Variants in GPHN observed in about 807,000 individuals in gnomAD.
GPHN encodes gephyrin.
In GPHN, 17 loss-of-function variants were observed where a neutral mutation model predicts 95.5. That is an observed-to-expected ratio of 0.18 (90% CI 0.12 to 0.27). The LOEUF is 0.27. Among genes scored for constraint, GPHN ranks in the 10% least tolerant of loss-of-function variants. The pLI is 1.00. For synonymous variants in GPHN, 320 were observed against 322.5 expected (o/e 0.99, Z 0.08); for missense variants, 660 against 978.1 (o/e 0.67, Z 4.34).
At chr14:67,306,162 G>T in the GPHN span, among the ~76,000 whole-genome samples, 3 of 152,032 alleles carry the variant, frequency 2.0e-5, no homozygotes, top group African/African-American at 7.2e-5. Context: ...CAGAGATGGG[G>T]TTTCACTATG....
At chr14:66,520,058 A>G (rs1303964569) in intron 1 of GPHN, among the ~76,000 whole-genome samples, 3 of 152,170 alleles carry the variant, frequency 2.0e-5, no homozygotes, top group African/African-American at 7.2e-5. Flanking sequence ...AGATGTTCAT[A>G]TACATATTTC....
intron 2 of GPHN, among the ~76,000 whole-genome samples, chr14:66,713,795 GTC>G (rs2069901489): frequency 6.6e-6 from 1 of 151,832 alleles, no homozygotes; most frequent in Non-Finnish European, 1.5e-5. Flanking sequence ...TTGAGACGGA[GTC>G]TCTCTCTGTT....
chr14:66,660,205 A>G (rs1390255320), intron 1 of GPHN, among the ~76,000 whole-genome samples: 1 of 152,086 alleles, frequency 6.6e-6, no homozygotes, highest in Non-Finnish European at 1.5e-5. Context: ...ATTGCCTGAA[A>G]TATTTCTTGT....
At chr14:67,231,446 G>A in the GPHN span, among the ~76,000 whole-genome samples, 1 of 152,062 alleles carries the variant, frequency 6.6e-6, no homozygotes, top group Non-Finnish European at 1.5e-5. Flanking sequence ...ACAGGCATAT[G>A]CCACCATATG....
At chr14:67,474,393 G>C in the GPHN span, among the ~76,000 whole-genome samples, 2 of 152,212 alleles carry the variant, frequency 1.3e-5, no homozygotes, top group East Asian at 1.9e-4. Flanking sequence ...TCTGTGGTCA[G>C]TTGAAGAGTC....
chr14:67,661,529 C>CTTTT, the GPHN span, among the ~76,000 whole-genome samples: 7 of 110,060 alleles, frequency 6.4e-5, no homozygotes, highest in African/African-American at 1.1e-4. Context: ...GAACAGTAAC[C>CTTTT]TTTTTTTTTT....
the GPHN span, chr14:67,577,442 C>A: frequency 7.4e-7 from 1 of 1,359,574 alleles, no homozygotes; most frequent in South Asian, 1.2e-5. Flanking sequence ...CCAGGCCCAC[C>A]GCTGGGATAC....
At chr14:67,204,100 G>A in the GPHN span, among the ~76,000 whole-genome samples, 12 of 152,274 alleles carry the variant, frequency 7.9e-5, no homozygotes, top group East Asian at 2.1e-3. Context: ...TATCTGGGAG[G>A]CAAGTCTGGT....
At chr14:66,876,673 C>A (rs878855874) in intron 4 of GPHN, among the ~76,000 whole-genome samples, 1 of 152,048 alleles carries the variant, frequency 6.6e-6, no homozygotes, top group Non-Finnish European at 1.5e-5. Flanking sequence ...TGGACACATA[C>A]ACCCCCCCAA....
intron 12 of GPHN, among the ~76,000 whole-genome samples, chr14:67,092,715 G>A (rs915050850): frequency 3.9e-5 from 6 of 152,034 alleles, no homozygotes; most frequent in Non-Finnish European, 5.9e-5. Flanking sequence ...CAGGAATAAA[G>A]TAATGATAAT....
intron 16 of GPHN, among the ~76,000 whole-genome samples, chr14:67,114,980 T>C (rs1232309400): frequency 6.6e-6 from 1 of 152,198 alleles, no homozygotes. Context: ...CCACAGAGCT[T>C]ATTACTCTTG....
chr14:66,710,631 G>T (rs1257518267), intron 2 of GPHN, among the ~76,000 whole-genome samples: 2 of 152,180 alleles, frequency 1.3e-5, no homozygotes, highest in Non-Finnish European at 2.9e-5. Flanking sequence ...GGGAATAAAT[G>T]ATTGATGGTT....
At chr14:66,525,366 A>G (rs148584085) in intron 1 of GPHN, among the ~76,000 whole-genome samples, 6,839 of 152,142 alleles carry the variant, frequency 0.045, 221 homozygotes, top group Middle Eastern at 0.085. Context: ...AAATTTGTTT[A>G]AGTTCTTTGT....
chr14:67,634,665 T>A, the GPHN span, among the ~76,000 whole-genome samples: 1 of 152,130 alleles, frequency 6.6e-6, no homozygotes, highest in Non-Finnish European at 1.5e-5. Flanking sequence ...AATACATTTT[T>A]AAACCAGGAC....
intron 1 of GPHN, among the ~76,000 whole-genome samples, chr14:66,676,997 C>A (rs1427621610): frequency 1.3e-5 from 2 of 151,860 alleles, no homozygotes. Flanking sequence ...TTTTCTATTT[C>A]TTCCTGATTT....
the GPHN span, chr14:67,575,857 A>G: frequency 0.5 from 812,714 of 1,612,940 alleles, 206,455 homozygotes; most frequent in Admixed American, 0.56. Context: ...CGGGATGCGC[A>G]CATAGAGGAA....
chr14:66,857,910 T>A (rs1387879147), intron 4 of GPHN, among the ~76,000 whole-genome samples: 1 of 152,102 alleles, frequency 6.6e-6, no homozygotes, highest in Non-Finnish European at 1.5e-5. Flanking sequence ...TGCTGCCCTG[T>A]CACAGCAGAA....
At chr14:67,460,956 G>C in the GPHN span, among the ~76,000 whole-genome samples, 267 of 152,292 alleles carry the variant, frequency 1.8e-3, no homozygotes, top group African/African-American at 6.1e-3. Context: ...TAATCCTATA[G>C]AGTAGGTTTT....
chr14:66,927,603 T>A (rs1455976522), intron 8 of GPHN, among the ~76,000 whole-genome samples: 1 of 152,174 alleles, frequency 6.6e-6, no homozygotes, highest in Non-Finnish European at 1.5e-5. Context: ...AAAGTGAGCA[T>A]CTTTGTCATG....
Sources: allele counts gnomAD v4.1 joint callset (sites outside exome capture counted in the v4.1 genomes callset), GRCh38; gene constraint gnomAD v4.1.1; transcripts MANE v1.5; gene names NCBI Gene and HGNC (gene_info 2026-07-23, HGNC 2026-07-21).